EPHA3: variants seen among roughly 807,000 people sequenced by gnomAD.
EPHA3 encodes EPH receptor A3.
In EPHA3, 42 loss-of-function variants were observed where a neutral mutation model predicts 107.1. The observed-to-expected ratio is 0.39, with a 90% CI of 0.31 to 0.51. The LOEUF (loss-of-function observed/expected upper bound fraction) is 0.51. Among genes scored for constraint, EPHA3 ranks in the 20% least tolerant of loss-of-function variants. EPHA3 has a pLI of 0.78. For missense variants in EPHA3, 1,183 were observed against 1,211.2 expected (o/e 0.98, Z 0.35); for synonymous variants, 461 against 424.8 (o/e 1.09, Z -1.05).
intron 3 of EPHA3, among the ~76,000 whole-genome samples, chr3:89,274,145 A>G (rs999118288): frequency 6.6e-6 from 1 of 151,422 alleles, no homozygotes; most frequent in African/African-American, 2.4e-5. Context: ...AAGTTTTAGC[A>G]AATATGTGAA....
At chr3:89,260,881 C>A (rs1705398588) in intron 3 of EPHA3, among the ~76,000 whole-genome samples, 1 of 152,198 alleles carries the variant, frequency 6.6e-6, no homozygotes, top group Admixed American at 6.5e-5. Context: ...CCTGTTAGGA[C>A]TCTATGGTCC....
intron 3 of EPHA3, 114 bp from the exon 4 acceptor site, chr3:89,340,802 A>C (rs1227727418): frequency 1.7e-6 from 2 of 1,172,824 alleles, no homozygotes; most frequent in African/African-American, 1.6e-5. Flanking sequence ...TTCTTGGAGG[A>C]AAAAACTTGA....
chr3:89,192,722 T>C (rs1490645530), intron 2 of EPHA3, among the ~76,000 whole-genome samples: 2 of 152,040 alleles, frequency 1.3e-5, no homozygotes, highest in East Asian at 1.9e-4. Context: ...AGGATCCTAA[T>C]ACAGAGAAAA....
At chr3:89,165,476 G>A (rs1705041683) in intron 2 of EPHA3, among the ~76,000 whole-genome samples, 1 of 152,078 alleles carries the variant, frequency 6.6e-6, no homozygotes, top group Non-Finnish European at 1.5e-5. Context: ...TATCACCATA[G>A]AACAGACCAT....
chr3:89,352,433 T>C (rs1707848401), intron 5 of EPHA3, among the ~76,000 whole-genome samples: 3 of 151,352 alleles, frequency 2.0e-5, no homozygotes, highest in Admixed American at 1.3e-4. Flanking sequence ...ATGGACTCAC[T>C]TACTATAAAA....
At chr3:89,131,844 G>A (rs1189389879) in intron 2 of EPHA3, among the ~76,000 whole-genome samples, 6 of 152,186 alleles carry the variant, frequency 3.9e-5, no homozygotes, top group Non-Finnish European at 1.5e-5. Flanking sequence ...CAAATAGGGA[G>A]CTTGTTGATT....
At chr3:89,414,984 C>T (rs1446198598) in intron 10 of EPHA3, among the ~76,000 whole-genome samples, 1 of 151,496 alleles carries the variant, frequency 6.6e-6, no homozygotes, top group African/African-American at 2.4e-5. Context: ...TCACATTTGC[C>T]ATGTTAAGAA....
At chr3:89,400,630 T>A (rs1277939025) in intron 7 of EPHA3, among the ~76,000 whole-genome samples, 29 of 144,002 alleles carry the variant, frequency 2.0e-4, no homozygotes, top group African/African-American at 6.9e-4. Flanking sequence ...TGTGTGTGTG[T>A]GTGAGCGTGT....
Position 89,414,693 on chromosome 3 carries a change from A to C in EPHA3, c.1888+1427A>C, listed in dbSNP as rs113984455. Among the ~76,000 whole-genome samples, 1,161 of 151,786 alleles carry C rather than the reference A, an allele frequency of 7.6e-3. 15 individuals carry two copies. Among genetic ancestry groups the C allele is most frequent in the African/African-American group, 0.026 (1,085 of 41,480 alleles). ...GCCACTGTCCAAAAGCCAGGCAGAC[A>C]TTATTATGATGTTGAAATTTAGGTA... On this transcript the variant is annotated intron_variant, in intron 10 of 16. Coordinates refer to ENST00000336596, the MANE Select transcript of EPHA3 (RefSeq NM_005233.6).
intron 3 of EPHA3, among the ~76,000 whole-genome samples, chr3:89,318,073 C>T (rs115303605): frequency 3.6e-3 from 544 of 151,902 alleles, no homozygotes; most frequent in African/African-American, 0.01. Context: ...ATATTACATG[C>T]GTTCCAGACA....
chr3:89,382,463 G>A (rs1303461321), intron 5 of EPHA3, among the ~76,000 whole-genome samples: 8 of 146,450 alleles, frequency 5.5e-5, no homozygotes, highest in East Asian at 2.0e-4. Context: ...AGCTAAGATC[G>A]CACCATTGCA....
At chr3:89,433,158 T>C (rs150700468) in intron 13 of EPHA3, among the ~76,000 whole-genome samples, 40 of 152,280 alleles carry the variant, frequency 2.6e-4, no homozygotes, top group Middle Eastern at 3.4e-3. Flanking sequence ...TATTGCCCAA[T>C]TGTCTTTGCT....
chr3:89,419,664 T>TAAGAGAAGAATTGTGGGGAATTC (rs1709318484), intron 11 of EPHA3, among the ~76,000 whole-genome samples: 2 of 151,406 alleles, frequency 1.3e-5, no homozygotes, highest in African/African-American at 2.4e-5. Context: ...AGCAGACAGT[T>TAAGAGAAGAATTGTGGGGAATTC]AAGAGAAGAA....
In EPHA3 at chr3:89,236,587, G is replaced by T. The variant is rs547893202; in HGVS notation, c.814+26067G>T. 1.7e-4 allele frequency among the ~76,000 whole-genome samples: 14 copies of T among 80,450 alleles called. No homozygotes were observed. The East Asian group carries it at 2.8e-3, about 16-fold the overall frequency. 52.8% of individuals were successfully genotyped at this position (80,450 alleles called of 152,430 possible). A position where few individuals can be genotyped will look rare whatever the true frequency, so the allele number is the denominator to read the frequency against. On this transcript the variant is annotated intron_variant, in intron 3 of 16. Coordinates refer to ENST00000336596, the MANE Select transcript of EPHA3 (RefSeq NM_005233.6). ...CACACTCTGGGGACTGTTGTGGGGT[G>T]GGGGGAGGGGGGAGGGATAGCATTG...
At chr3:89,282,298 A>G (rs1331356952) in intron 3 of EPHA3, among the ~76,000 whole-genome samples, 2 of 152,144 alleles carry the variant, frequency 1.3e-5, no homozygotes, top group Non-Finnish European at 2.9e-5. Context: ...TATCCTACAA[A>G]TATGTACTGA....
chr3:89,330,931 T>C (rs1285253495), intron 3 of EPHA3, among the ~76,000 whole-genome samples: 3 of 152,112 alleles, frequency 2.0e-5, no homozygotes, highest in Non-Finnish European at 4.4e-5. Flanking sequence ...ATTTCCTCCA[T>C]GTTGCATGTT....
intron 3 of EPHA3, among the ~76,000 whole-genome samples, chr3:89,294,320 C>G (rs1342041422): frequency 6.6e-6 from 1 of 152,090 alleles, no homozygotes; most frequent in Non-Finnish European, 1.5e-5. Context: ...ATTAAATTAC[C>G]TTTGCACTTT....
chr3:89,172,554 C>T (rs1376133435), intron 2 of EPHA3, among the ~76,000 whole-genome samples: 1 of 152,202 alleles, frequency 6.6e-6, no homozygotes, highest in Non-Finnish European at 1.5e-5. Flanking sequence ...ATGCTTTCTC[C>T]TACTCCAACT....
At chr3:89,374,209 T>G (rs1051318803) in intron 5 of EPHA3, among the ~76,000 whole-genome samples, 3 of 151,856 alleles carry the variant, frequency 2.0e-5, no homozygotes, top group African/African-American at 7.3e-5. Context: ...AAAAGAGAAC[T>G]GCAAACAGTT....
Sources: allele counts gnomAD v4.1 joint callset (sites outside exome capture counted in the v4.1 genomes callset), GRCh38; gene constraint gnomAD v4.1.1; transcripts MANE v1.5; gene names NCBI Gene and HGNC (gene_info 2026-07-23, HGNC 2026-07-21).